EHHADH: variants seen among roughly 807,000 people sequenced by gnomAD.
EHHADH encodes the protein enoyl-CoA hydratase and 3-hydroxyacyl CoA dehydrogenase, also known as peroxisomal bifunctional enzyme.
Under a neutral mutation model 64.4 loss-of-function variants are expected in EHHADH, and 48 were observed. The ratio of observed to expected loss-of-function variants is 0.75; its 90% CI spans 0.59 to 0.95. The LOEUF (loss-of-function observed/expected upper bound fraction) is 0.95. EHHADH is among the 40% of genes least tolerant of loss of function. The probability of loss-of-function intolerance (pLI) is 0.00; values close to 1 mark genes in which losing one functional copy is unlikely to be tolerated. For missense variants in EHHADH, 854 were observed against 876.6 expected (o/e 0.97, Z 0.33); for synonymous variants, 308 against 326.7 (o/e 0.94, Z 0.62).
intron 2 of EHHADH, among the ~76,000 whole-genome samples, chr3:185,236,252 C>G (rs998718761): frequency 6.6e-6 from 1 of 152,132 alleles, no homozygotes; most frequent in African/African-American, 2.4e-5. Flanking sequence ...CTCACAGGAG[C>G]GTGAACCCTA....
rs143807366 is a variant in EHHADH, at chr3:185,195,246, T to TG, written c.911-1760dup. Among the ~76,000 whole-genome samples, 562 of 152,200 alleles carry TG rather than the reference T, an allele frequency of 3.7e-3. 7 individuals carry two copies. Among genetic ancestry groups the TG allele is most frequent in the Non-Finnish European group, 3.1e-3 (212 of 68,000 alleles). The stretch of plus-strand genomic sequence containing the variant: ...AAGCAACACATGGGTAATAATCACA[T>TG]GAAAAAGTGTTCAACATCAATAGTC... On this transcript the variant is annotated intron_variant, in intron 6 of 6. Coordinates refer to ENST00000231887, the MANE Select transcript of EHHADH (RefSeq NM_001966.4).
At chr3:185,208,313 G>A (rs1718451449) in intron 5 of EHHADH, among the ~76,000 whole-genome samples, 1 of 152,170 alleles carries the variant, frequency 6.6e-6, no homozygotes, top group Non-Finnish European at 1.5e-5. Flanking sequence ...TTCTCCCCCT[G>A]ACCCCTAATC....
chr3:185,207,038 A>T (rs1718416316), intron 5 of EHHADH, among the ~76,000 whole-genome samples: 1 of 151,982 alleles, frequency 6.6e-6, no homozygotes, highest in Non-Finnish European at 1.5e-5. Context: ...CTGTAATTCC[A>T]GTACTCTGGG....
chr3:185,245,384 T>C (rs559452762), intron 2 of EHHADH: 12 of 456,034 alleles, frequency 2.6e-5, no homozygotes, highest in African/African-American at 2.1e-4. Flanking sequence ...TTTAATACAA[T>C]GGTATATCCA....
chr3:185,227,903 T>A (rs898926789), intron 4 of EHHADH, among the ~76,000 whole-genome samples: 39 of 151,990 alleles, frequency 2.6e-4, no homozygotes, highest in Admixed American at 6.6e-5. Context: ...GGGGCTGTCC[T>A]AAGGACATTG....
intron 5 of EHHADH, among the ~76,000 whole-genome samples, chr3:185,208,860 G>T (rs951621533): frequency 6.6e-6 from 1 of 152,134 alleles, no homozygotes; most frequent in African/African-American, 2.4e-5. Context: ...TCAAACTGTT[G>T]ATACATGCTA....
At chr3:185,242,667 GCAGACTCAGGCCTCACCCAGCTCCCA>G (rs1456023018) in intron 2 of EHHADH, among the ~76,000 whole-genome samples, 1 of 152,158 alleles carries the variant, frequency 6.6e-6, no homozygotes, top group Non-Finnish European at 1.5e-5. Flanking sequence ...GGGAAAGCTG[GCAGACTCAGGCCTCACCCAGCTCCCA>G]CACAATCCAA....
intron 1 of EHHADH, among the ~76,000 whole-genome samples, chr3:185,251,690 A>G (rs1372035982): frequency 6.6e-6 from 1 of 152,036 alleles, no homozygotes; most frequent in Non-Finnish European, 1.5e-5. Flanking sequence ...ACGACTTCCC[A>G]TATAAAATTA....
chr3:185,221,815 C>A (rs1199741762), intron 4 of EHHADH, among the ~76,000 whole-genome samples: 3 of 151,896 alleles, frequency 2.0e-5, no homozygotes, highest in Non-Finnish European at 4.4e-5. Flanking sequence ...CTTAGGTGAT[C>A]CACCTGCCTT....
chr3:185,252,475 A>G (rs535960528), intron 1 of EHHADH, among the ~76,000 whole-genome samples: 1 of 152,208 alleles, frequency 6.6e-6, no homozygotes, highest in African/African-American at 2.4e-5. Context: ...CATGGGTATT[A>G]GAGTATGGAA....
chr3:185,201,666 C>T (rs1031250187), intron 6 of EHHADH, among the ~76,000 whole-genome samples: 1 of 152,200 alleles, frequency 6.6e-6, no homozygotes, highest in African/African-American at 2.4e-5. Context: ...GATCCTCTTA[C>T]TTGATTTCTA....
chr3:185,212,917 C>T (rs1718582038), intron 5 of EHHADH, among the ~76,000 whole-genome samples: 1 of 151,652 alleles, frequency 6.6e-6, no homozygotes, highest in Admixed American at 6.6e-5. Flanking sequence ...GTCAGGAGTT[C>T]GAGACCAGAC....
intron 4 of EHHADH, among the ~76,000 whole-genome samples, chr3:185,223,602 C>T (rs1718893712): frequency 6.6e-6 from 1 of 152,044 alleles, no homozygotes; most frequent in Non-Finnish European, 1.5e-5. Context: ...AAATGTATAG[C>T]GAAAACCCAC....
At chr3:185,217,422 T>C (rs1718709542) in intron 5 of EHHADH, among the ~76,000 whole-genome samples, 1 of 151,616 alleles carries the variant, frequency 6.6e-6, no homozygotes, top group South Asian at 2.1e-4. Context: ...GGCGGACGCC[T>C]GTATTCCCAG....
At chr3:185,226,745 C>A (rs1216507644) in intron 4 of EHHADH, 2 of 151,944 alleles carry the variant, frequency 1.3e-5, no homozygotes, top group African/African-American at 4.8e-5. Context: ...TCATGACAAA[C>A]CCTGAGCTAT....
At chr3:185,248,239 C>T in intron 2 of EHHADH, 175 bp downstream of exon 2, 1 of 599,172 alleles carries the variant, frequency 1.7e-6, no homozygotes, top group South Asian at 2.2e-5. Context: ...AAGCCCTTCT[C>T]TGGGTCTCTC....
intron 4 of EHHADH, among the ~76,000 whole-genome samples, 185 bp downstream of exon 4, chr3:185,229,247 C>T (rs1050965728): frequency 1.3e-5 from 2 of 152,198 alleles, no homozygotes; most frequent in Non-Finnish European, 2.9e-5. Context: ...TTGATCTTCA[C>T]GATAACGTTT....
At position 185,193,077 on chromosome 3, in the gene EHHADH, T is replaced by G. The variant is rs747707741; in HGVS notation, c.1321A>C (p.Lys441Gln). The change falls in exon 7 of 7, where the codon AAG becomes CAG. Residue 441 changes from lysine (K) to glutamine (Q), a missense_variant. By Grantham distance (53) the Lys-to-Gln change is moderately conservative. Transcript: ENST00000231887. Reference protein sequence around the residue: ...THFFSPAHVMKLLEVIPSQYS... With the variant: ...THFFSPAHVMQLLEVIPSQYS... ...TGGCTGGGAATAACCTCTAACAACT[T>G]CATGACATGAGCTGGCGAAAAGAAG... is the stretch of plus-strand genomic sequence containing the variant. 31 of 1,613,948 alleles carry G rather than the reference T, an allele frequency of 1.9e-5. No homozygotes were observed. In the East Asian group the frequency reaches 6.9e-4, roughly 36 times the overall value.
chr3:185,203,482 C>T (rs1718287487), intron 6 of EHHADH, among the ~76,000 whole-genome samples: 1 of 152,172 alleles, frequency 6.6e-6, no homozygotes, highest in South Asian at 2.1e-4. Flanking sequence ...CTTCACTTAC[C>T]ATCTCAAGGG....
Sources: allele counts gnomAD v4.1 joint callset (sites outside exome capture counted in the v4.1 genomes callset), GRCh38; gene constraint gnomAD v4.1.1; transcripts MANE v1.5; gene names NCBI Gene and HGNC (gene_info 2026-07-23, HGNC 2026-07-21).